Variants in KLF12 observed in about 807,000 individuals in gnomAD.
The protein encoded by KLF12 is Krueppel-like factor 12.
A neutral mutation model predicts 37.8 loss-of-function variants in KLF12; 9 were observed. That is an observed-to-expected ratio of 0.24 (90% CI 0.14 to 0.42). The LOEUF (loss-of-function observed/expected upper bound fraction) is 0.42. Ranked by LOEUF, KLF12 falls within the 10% of genes least tolerant of loss-of-function variation. The pLI is 1.00. For synonymous variants in KLF12, 208 were observed against 202.1 expected, an observed-to-expected ratio of 1.03 and a Z score of -0.25; for missense variants, 411 against 516.0, an observed-to-expected ratio of 0.80 and a Z score of 1.97.
the KLF12 span, among the ~76,000 whole-genome samples, chr13:74,207,073 T>G: frequency 1.3e-5 from 2 of 152,180 alleles, no homozygotes; most frequent in Non-Finnish European, 2.9e-5. Flanking sequence ...TCTACTGTTA[T>G]GTCATCTCAT....
chr13:74,205,259 T>C, the KLF12 span, among the ~76,000 whole-genome samples: 1 of 152,138 alleles, frequency 6.6e-6, no homozygotes, highest in Admixed American at 6.6e-5. Context: ...ACTTAGTGAA[T>C]TCATAATAAA....
the KLF12 span, among the ~76,000 whole-genome samples, chr13:74,254,604 C>G: frequency 1.3e-5 from 2 of 152,190 alleles, no homozygotes; most frequent in Non-Finnish European, 2.9e-5. Context: ...ACCATTCTGT[C>G]CATTGCCTGC....
the KLF12 span, among the ~76,000 whole-genome samples, chr13:74,202,545 T>C: frequency 6.6e-6 from 1 of 152,146 alleles, no homozygotes; most frequent in South Asian, 2.1e-4. Flanking sequence ...TATTTATGTA[T>C]ACTTGTGTGC....
chr13:74,047,317 C>G (rs563815372), intron 1 of KLF12, among the ~76,000 whole-genome samples: 1 of 151,998 alleles, frequency 6.6e-6, no homozygotes, highest in Non-Finnish European at 1.5e-5. Context: ...CCAGGCCAGG[C>G]GCGGTGGCTC....
chr13:74,109,369 G>A (rs1876848911), intron 1 of KLF12, among the ~76,000 whole-genome samples: 1 of 151,880 alleles, frequency 6.6e-6, no homozygotes, highest in Admixed American at 6.6e-5. Context: ...CTTTGCTGGA[G>A]TGCAGGGAGC....
intron 5 of KLF12, among the ~76,000 whole-genome samples, chr13:73,767,254 C>T (rs1188112784): frequency 6.6e-6 from 1 of 152,078 alleles, no homozygotes; most frequent in Admixed American, 6.5e-5. Flanking sequence ...ATATAGAAGC[C>T]AGGCAGGTAG....
At chr13:73,871,894 G>A (rs567215604) in intron 3 of KLF12, among the ~76,000 whole-genome samples, 1 of 152,130 alleles carries the variant, frequency 6.6e-6, no homozygotes, top group African/African-American at 2.4e-5. Context: ...TTGTAGTTTC[G>A]AATGACATTC....
chr13:73,835,875 A>C (rs1049159430), intron 4 of KLF12, among the ~76,000 whole-genome samples: 7 of 152,148 alleles, frequency 4.6e-5, no homozygotes. Context: ...CTGATATCCA[A>C]CCAGAAATGA....
At chr13:73,715,001 G>C (rs1875691256) in intron 7 of KLF12, among the ~76,000 whole-genome samples, 1 of 152,122 alleles carries the variant, frequency 6.6e-6, no homozygotes, top group Non-Finnish European at 1.5e-5. Flanking sequence ...AGAGCAAAAA[G>C]CATAATCTAA....
At chr13:73,815,137 T>C (rs896786425) in intron 4 of KLF12, among the ~76,000 whole-genome samples, 1 of 152,184 alleles carries the variant, frequency 6.6e-6, no homozygotes, top group Non-Finnish European at 1.5e-5. Context: ...AATATTTTCT[T>C]TGTACCACCA....
At chr13:74,141,371 T>C in the KLF12 span, among the ~76,000 whole-genome samples, 1 of 151,870 alleles carries the variant, frequency 6.6e-6, no homozygotes, top group Non-Finnish European at 1.5e-5. Flanking sequence ...TAGAGAAGAA[T>C]AGGGAGAAAG....
chr13:74,098,261 T>A (rs1019961323), intron 1 of KLF12, among the ~76,000 whole-genome samples: 1 of 152,210 alleles, frequency 6.6e-6, no homozygotes, highest in Non-Finnish European at 1.5e-5. Flanking sequence ...CATGCACTTT[T>A]ATTAAGTGCT....
At chr13:74,072,371 A>ATATATT (rs1874308220) in intron 1 of KLF12, among the ~76,000 whole-genome samples, 1 of 64,004 alleles carries the variant, frequency 1.6e-5, no homozygotes, top group Non-Finnish European at 2.9e-5. Context: ...ACAAATATAT[A>ATATATT]TATATATATA....
chr13:74,294,198 A>C, the KLF12 span, among the ~76,000 whole-genome samples: 1 of 152,108 alleles, frequency 6.6e-6, no homozygotes, highest in Non-Finnish European at 1.5e-5. Flanking sequence ...TTTTATTTGT[A>C]TGACTTTATT....
the KLF12 span, among the ~76,000 whole-genome samples, chr13:74,158,550 A>C: frequency 2.0e-4 from 30 of 152,310 alleles, no homozygotes; most frequent in East Asian, 5.6e-3. Context: ...TTCTTGAGAA[A>C]GAAAGGGATC....
At chr13:73,813,820 T>C (rs1415562997) in intron 4 of KLF12, among the ~76,000 whole-genome samples, 2 of 152,244 alleles carry the variant, frequency 1.3e-5, no homozygotes, top group African/African-American at 4.8e-5. Flanking sequence ...AGTTCATTAC[T>C]ACTATAAGGT....
intron 6 of KLF12, among the ~76,000 whole-genome samples, chr13:73,724,849 C>T (rs562381555): frequency 5.3e-4 from 81 of 152,252 alleles, no homozygotes; most frequent in African/African-American, 1.6e-3. Flanking sequence ...AAGACTTTTC[C>T]GCTTTCCAAT....
rs926289112 is a variant in KLF12 at position 73,950,202 on chromosome 13, T to C, written c.34-6132A>G. ...GTTTATACTAATATTTTAAAAAATA[T>C]TTCCTATTAGTGATAGTTGCTGAAC... On this transcript the variant is annotated intron_variant, in intron 2 of 7. Coordinates refer to ENST00000377669, the MANE Select transcript of KLF12 (RefSeq NM_007249.5). Among the ~76,000 whole-genome samples the C allele has an allele frequency of 6.6e-5, 10 of 152,312 alleles. No individual in the cohort carries two copies. In the South Asian group the frequency reaches 1.0e-3, roughly 16 times the overall value.
chr13:73,754,398 C>G (rs553192142), intron 6 of KLF12, among the ~76,000 whole-genome samples: 2 of 152,140 alleles, frequency 1.3e-5, no homozygotes, highest in Non-Finnish European at 2.9e-5. Context: ...TTTCCTCTGA[C>G]TGGTGTGCCC....
Sources: gnomAD v4.1 joint callset for allele counts (sites outside exome capture counted in the v4.1 genomes callset) on GRCh38, gnomAD v4.1.1 for gene constraint, MANE v1.5 for transcripts, NCBI Gene and HGNC (gene_info 2026-07-23, HGNC 2026-07-21) for gene names.